The following GUCY1A2 variants were observed in gnomAD, a reference collection of about 807,000 sequenced individuals.
GUCY1A2 encodes guanylate cyclase soluble subunit alpha-2.
Under a neutral mutation model 63.5 loss-of-function variants are expected in GUCY1A2, and 27 were observed. The observed-to-expected ratio is 0.43, with a 90% CI of 0.31 to 0.59. GUCY1A2 has a LOEUF of 0.59. GUCY1A2 is among the 20% of genes least tolerant of loss of function. The pLI is 0.11. For missense variants in GUCY1A2, 768 were observed against 913.3 expected (o/e 0.84, Z 2.05); for synonymous variants, 364 against 343.5 (o/e 1.06, Z -0.66).
Position 106,916,737 on chromosome 11 carries a change from C to T in GUCY1A2, c.1206+22723G>A, listed in dbSNP as rs868207564. ...TTATCTACTGCTAAGTAAACTGACTCGTTGGTTCAGTCCAGATATATCTTG... is the reference window on the plus strand; with the variant it reads ...TTATCTACTGCTAAGTAAACTGACTTGTTGGTTCAGTCCAGATATATCTTG... On this transcript the variant is annotated intron_variant, in intron 4 of 7. Transcript: ENST00000526355. 4.8e-5 allele frequency among the ~76,000 whole-genome samples: 7 copies of T among 145,326 alleles called. 1 individual carries two copies. The highest frequency in any genetic ancestry group is 6.9e-5 in the Admixed American group (1 of 14,598).
intron 6 of GUCY1A2, among the ~76,000 whole-genome samples, chr11:106,713,476 A>G (rs1863157215): frequency 6.7e-6 from 1 of 148,544 alleles, no homozygotes; most frequent in Non-Finnish European, 1.5e-5. Context: ...AGCAAAGCAC[A>G]CTGCAATATT....
intron 4 of GUCY1A2, among the ~76,000 whole-genome samples, chr11:106,825,221 T>G (rs1248998813): frequency 6.6e-6 from 1 of 152,166 alleles, no homozygotes; most frequent in African/African-American, 2.4e-5. Flanking sequence ...AATAAGTCCA[T>G]ATAATTGTCT....
chr11:106,714,540 C>T (rs534002566), intron 6 of GUCY1A2, among the ~76,000 whole-genome samples: 89 of 152,284 alleles, frequency 5.8e-4, no homozygotes, highest in Admixed American at 1.5e-3. Context: ...ATACATTTAA[C>T]TATCAATGAG....
At chr11:106,957,363 G>A (rs1860999791) in intron 3 of GUCY1A2, among the ~76,000 whole-genome samples, 1 of 151,998 alleles carries the variant, frequency 6.6e-6, no homozygotes, top group South Asian at 2.1e-4. Flanking sequence ...GGCTTAAGCA[G>A]ACTCCAGCTG....
At chr11:106,773,735 A>G (rs1173545941) in intron 6 of GUCY1A2, among the ~76,000 whole-genome samples, 2 of 152,214 alleles carry the variant, frequency 1.3e-5, no homozygotes, top group African/African-American at 4.8e-5. Context: ...ATAGTGTTGT[A>G]AATTTCTATT....
At chr11:106,778,022 C>T (rs1252189017) in intron 5 of GUCY1A2, among the ~76,000 whole-genome samples, 1 of 152,082 alleles carries the variant, frequency 6.6e-6, no homozygotes, top group African/African-American at 2.4e-5. Flanking sequence ...ATATTTACCC[C>T]AGGTTAAAAC....
chr11:106,829,913 C>T (rs1227915820), intron 4 of GUCY1A2, among the ~76,000 whole-genome samples: 2 of 152,124 alleles, frequency 1.3e-5, no homozygotes, highest in Non-Finnish European at 2.9e-5. Context: ...AGGTTTGGGT[C>T]ACTACACCAA....
At chr11:106,708,767 A>T (rs1862964606) in intron 6 of GUCY1A2, 101 bp from the exon 7 acceptor site, 2 of 708,410 alleles carry the variant, frequency 2.8e-6, no homozygotes, top group Non-Finnish European at 2.1e-6. Context: ...AATAATAAAA[A>T]AAAACTATGA....
intron 2 of GUCY1A2, among the ~76,000 whole-genome samples, chr11:106,982,895 T>C (rs1393026822): frequency 2.0e-5 from 3 of 152,160 alleles, no homozygotes; most frequent in Non-Finnish European, 4.4e-5. Context: ...TCATATAGTT[T>C]AAAGCAGGGG....
At chr11:106,945,217 A>T (rs1292870481) in intron 3 of GUCY1A2, among the ~76,000 whole-genome samples, 1 of 151,918 alleles carries the variant, frequency 6.6e-6, no homozygotes, top group East Asian at 1.9e-4. Context: ...ACAGGTAATT[A>T]AAAAAAATTT....
chr11:106,699,253 A>G (rs1420393554), intron 7 of GUCY1A2, among the ~76,000 whole-genome samples: 1 of 152,194 alleles, frequency 6.6e-6, no homozygotes, highest in East Asian at 1.9e-4. Flanking sequence ...GCCACTAGAA[A>G]TGGTGCCATT....
chr11:106,691,063 C>T (rs1862614983), intron 7 of GUCY1A2, among the ~76,000 whole-genome samples: 1 of 152,026 alleles, frequency 6.6e-6, no homozygotes, highest in Non-Finnish European at 1.5e-5. Flanking sequence ...CAGTGAATTC[C>T]ACAACAATTT....
chr11:106,994,932 A>C (rs1211547703), intron 1 of GUCY1A2, among the ~76,000 whole-genome samples: 1 of 152,162 alleles, frequency 6.6e-6, no homozygotes, highest in Non-Finnish European at 1.5e-5. Flanking sequence ...CTTAATAGTG[A>C]GATTTTAGGA....
chr11:106,878,607 C>A (rs973639308), intron 4 of GUCY1A2, among the ~76,000 whole-genome samples: 11 of 151,652 alleles, frequency 7.3e-5, no homozygotes, highest in Admixed American at 3.3e-4. Flanking sequence ...ATGGGAACAC[C>A]AAACACTGGG....
chr11:106,994,242 A>T (rs994580865), intron 1 of GUCY1A2, among the ~76,000 whole-genome samples: 1 of 152,202 alleles, frequency 6.6e-6, no homozygotes, highest in African/African-American at 2.4e-5. Flanking sequence ...TATACTTAAC[A>T]TATAATCAAT....
intron 5 of GUCY1A2, among the ~76,000 whole-genome samples, chr11:106,803,036 A>G (rs1858632336): frequency 6.6e-6 from 1 of 152,178 alleles, no homozygotes; most frequent in African/African-American, 2.4e-5. Flanking sequence ...TCAGCAAGAC[A>G]CATCATTAAT....
rs1862470066 is a variant in GUCY1A2, at chr11:106,683,686, A to T, written c.*3863T>A. ...GACAGAATGGAGTAAGAAAGGGTCCAGAATGGACTGAGTCATTCTCAAAAT... is the reference window on the plus strand; with the variant it reads ...GACAGAATGGAGTAAGAAAGGGTCCTGAATGGACTGAGTCATTCTCAAAAT... On this transcript the variant is annotated 3_prime_UTR_variant, in exon 8 of 8. Transcript: ENST00000526355. The T allele has an allele frequency of 4.4e-6, 1 of 225,810 alleles. No homozygotes were observed. The highest frequency in any genetic ancestry group is 8.8e-6 in the Non-Finnish European group (1 of 113,278). The allele number at this position is 225,810 out of a possible 1,614,324, so 14.0% of individuals were successfully genotyped here.
intron 4 of GUCY1A2, among the ~76,000 whole-genome samples, chr11:106,859,531 C>T (rs1859480431): frequency 6.6e-6 from 1 of 151,896 alleles, no homozygotes; most frequent in Non-Finnish European, 1.5e-5. Context: ...ATGCAAAAGG[C>T]ATGATCAAAA....
intron 6 of GUCY1A2, among the ~76,000 whole-genome samples, chr11:106,715,768 A>C (rs1246647142): frequency 6.6e-6 from 1 of 152,134 alleles, no homozygotes; most frequent in African/African-American, 2.4e-5. Flanking sequence ...CCTCATCTAA[A>C]ATACATCCAA....
Sources: allele counts gnomAD v4.1 joint callset (sites outside exome capture counted in the v4.1 genomes callset), GRCh38; gene constraint gnomAD v4.1.1; transcripts MANE v1.5; gene names NCBI Gene and HGNC (gene_info 2026-07-23, HGNC 2026-07-21).